FHIT: variants seen among roughly 807,000 people sequenced by gnomAD.
The protein encoded by FHIT is fragile histidine triad diadenosine triphosphatase.
Under a neutral mutation model 17.9 loss-of-function variants are expected in FHIT, and 19 were observed. The observed-to-expected ratio is 1.06, with a 90% CI of 0.74 to 1.56. The LOEUF (loss-of-function observed/expected upper bound fraction) is 1.56. FHIT is among the 40% of genes most tolerant of loss of function. The probability of loss-of-function intolerance (pLI) is 0.00; values close to 1 mark genes in which losing one functional copy is unlikely to be tolerated. For synonymous variants in FHIT, 81 were observed against 69.7 expected, an observed-to-expected ratio of 1.16 and a Z score of -0.81; for missense variants, 248 against 189.2, an observed-to-expected ratio of 1.31 and a Z score of -1.82.
chr3:60,279,833 C>T (rs1228425493), intron 5 of FHIT, among the ~76,000 whole-genome samples: 4 of 151,868 alleles, frequency 2.6e-5, no homozygotes, highest in Non-Finnish European at 4.4e-5. Context: ...AGATCAAGAC[C>T]ATCCTGACTA....
chr3:60,722,648 C>T (rs1396485210), intron 4 of FHIT, among the ~76,000 whole-genome samples: 1 of 149,236 alleles, frequency 6.7e-6, no homozygotes, highest in African/African-American at 2.5e-5. Context: ...TGTCTTCAGA[C>T]ATGGCCGTAT....
At chr3:60,338,369 TTTAC>T (rs1354702016) in intron 5 of FHIT, among the ~76,000 whole-genome samples, 1 of 152,204 alleles carries the variant, frequency 6.6e-6, no homozygotes, top group Non-Finnish European at 1.5e-5. Flanking sequence ...TATTTATTTA[TTTAC>T]TTATTTATTT....
chr3:60,520,703 G>A (rs1428929281), intron 5 of FHIT, among the ~76,000 whole-genome samples: 1 of 152,028 alleles, frequency 6.6e-6, no homozygotes, highest in Non-Finnish European at 1.5e-5. Context: ...GGTGTTAGAG[G>A]GTCATTTTTC....
At chr3:60,900,068 T>TG (rs1331739817) in intron 3 of FHIT, among the ~76,000 whole-genome samples, 2 of 152,088 alleles carry the variant, frequency 1.3e-5, no homozygotes, top group African/African-American at 2.4e-5. Context: ...AAGAAAGAGT[T>TG]GGGGGCAGCT....
At chr3:59,857,063 T>C (rs778235559) in intron 8 of FHIT, among the ~76,000 whole-genome samples, 41 of 152,202 alleles carry the variant, frequency 2.7e-4, no homozygotes, top group Non-Finnish European at 2.9e-5. Flanking sequence ...TCCTTTCAAA[T>C]GTGGAGCTGA....
chr3:60,422,919 T>C lies in FHIT; in HGVS notation c.103+113941A>G, dbSNP rs149708736. Among the ~76,000 whole-genome samples, 512 of 152,278 alleles carry C rather than the reference T, an allele frequency of 3.4e-3. 5 individuals carry two copies. The highest frequency in any genetic ancestry group is 0.012 in the African/African-American group (494 of 41,554). On this transcript the variant is annotated intron_variant, in intron 5 of 9. Coordinates refer to ENST00000492590, the MANE Select transcript of FHIT (RefSeq NM_002012.4). ...AACCCTCCTTAATACAAATATTTTGTATTACCCTCTTCACTCTCCTGAGAT... is the reference window on the plus strand; with the variant it reads ...AACCCTCCTTAATACAAATATTTTGCATTACCCTCTTCACTCTCCTGAGAT...
intron 5 of FHIT, among the ~76,000 whole-genome samples, chr3:60,363,583 T>C (rs1699990155): frequency 6.6e-6 from 1 of 152,128 alleles, no homozygotes; most frequent in Non-Finnish European, 1.5e-5. Context: ...TTTTCCAAGG[T>C]TATACAGCTA....
intron 2 of FHIT, among the ~76,000 whole-genome samples, chr3:61,154,628 T>C (rs750604999): frequency 1.3e-5 from 2 of 152,208 alleles, no homozygotes; most frequent in Non-Finnish European, 2.9e-5. Context: ...CGCGTGTCCT[T>C]GGGGACATGG....
At chr3:60,408,934 C>A (rs1297590998) in intron 5 of FHIT, among the ~76,000 whole-genome samples, 1 of 152,048 alleles carries the variant, frequency 6.6e-6, no homozygotes, top group East Asian at 1.9e-4. Context: ...TATCCTCCAG[C>A]AGATGACAGC....
chr3:60,928,594 A>T (rs1466108375), intron 3 of FHIT, among the ~76,000 whole-genome samples: 19 of 134,594 alleles, frequency 1.4e-4, no homozygotes, highest in Admixed American at 5.1e-4. Flanking sequence ...TTTAAATGCT[A>T]AAAAAAAAAA....
chr3:60,798,475 C>T (rs1477529359), intron 4 of FHIT, among the ~76,000 whole-genome samples: 1 of 152,254 alleles, frequency 6.6e-6, no homozygotes, highest in South Asian at 2.1e-4. Flanking sequence ...TAGATTTTGT[C>T]CTTAAAAAAG....
chr3:60,350,406 A>G (rs553069438), intron 5 of FHIT, among the ~76,000 whole-genome samples: 5 of 152,300 alleles, frequency 3.3e-5, no homozygotes, highest in African/African-American at 1.2e-4. Flanking sequence ...CCAAACTCCC[A>G]TGATTTTATA....
At chr3:60,339,651 G>A (rs954777579) in intron 5 of FHIT, among the ~76,000 whole-genome samples, 7 of 152,096 alleles carry the variant, frequency 4.6e-5, no homozygotes, top group African/African-American at 1.7e-4. Context: ...AATATTTGTA[G>A]CCAACATGAC....
intron 5 of FHIT, among the ~76,000 whole-genome samples, chr3:60,473,560 A>C (rs1245105221): frequency 6.6e-6 from 1 of 152,294 alleles, no homozygotes; most frequent in South Asian, 2.1e-4. Context: ...GGCTAACTAC[A>C]AAGGTGGTGC....
chr3:60,968,400 T>G (rs1709849794), intron 3 of FHIT, among the ~76,000 whole-genome samples: 2 of 150,116 alleles, frequency 1.3e-5, no homozygotes, highest in African/African-American at 4.9e-5. Context: ...TCAAATTAAG[T>G]ATGAAGTCTG....
At chr3:59,875,941 A>AAT (rs1703138137) in intron 8 of FHIT, among the ~76,000 whole-genome samples, 1 of 131,370 alleles carries the variant, frequency 7.6e-6, no homozygotes. Context: ...TGTTTGATAA[A>AAT]AAAAGAAAAA....
chr3:60,359,991 T>C (rs2106992104), intron 5 of FHIT, among the ~76,000 whole-genome samples: 1 of 147,664 alleles, frequency 6.8e-6, no homozygotes, highest in East Asian at 1.9e-4. Flanking sequence ...CTTTTTTTTT[T>C]TTTTTCTTTT....
At chr3:60,154,512 T>C (rs1362641904) in intron 5 of FHIT, among the ~76,000 whole-genome samples, 1 of 152,184 alleles carries the variant, frequency 6.6e-6, no homozygotes, top group Non-Finnish European at 1.5e-5. Context: ...TTATCTAAGA[T>C]GACAAGAGGT....
chr3:59,957,974 C>T (rs914550036), intron 7 of FHIT, among the ~76,000 whole-genome samples: 22 of 152,290 alleles, frequency 1.4e-4, no homozygotes, highest in Admixed American at 7.2e-4. Context: ...TGTCCTTGAA[C>T]ACGTTTGAAT....
Sources: gnomAD v4.1 joint callset for allele counts (sites outside exome capture counted in the v4.1 genomes callset) on GRCh38, gnomAD v4.1.1 for gene constraint, MANE v1.5 for transcripts, NCBI Gene and HGNC (gene_info 2026-07-23, HGNC 2026-07-21) for gene names.